Variants in EIF2S1 observed in about 807,000 individuals in gnomAD.
The protein encoded by EIF2S1 is eukaryotic translation initiation factor 2 subunit 1.
A neutral mutation model predicts 33.5 loss-of-function variants in EIF2S1; 5 were observed. The observed-to-expected ratio is 0.15, with a 90% CI of 0.08 to 0.31. The LOEUF is 0.31. Ranked by LOEUF, EIF2S1 falls within the 10% of genes least tolerant of loss-of-function variation. The pLI is 1.00. For missense variants in EIF2S1, 191 were observed against 384.6 expected, an observed-to-expected ratio of 0.50 and a Z score of 4.21; for synonymous variants, 99 against 127.5, an observed-to-expected ratio of 0.78 and a Z score of 1.51.
chr14:67,363,037 C>T (rs2141125052), intron 1 of EIF2S1, among the ~76,000 whole-genome samples: 1 of 152,288 alleles, frequency 6.6e-6, no homozygotes, highest in Non-Finnish European at 1.5e-5. Flanking sequence ...AAAAGCATCA[C>T]CTTTACTGTT....
chr14:67,384,792 C>T lies in EIF2S1; in HGVS notation c.*1352C>T, dbSNP rs1349932260. On this transcript the variant is annotated 3_prime_UTR_variant, in exon 8 of 8. Transcript: ENST00000256383. ...CAGTGGCTGGTTTCTGAGAGAGTGC[C>T]ATGATTGCTAGCCAGCATTCCATAT... is the stretch of plus-strand genomic sequence containing the variant. 2.0e-5 allele frequency: 3 copies of T among 152,096 alleles called. No individual in the cohort carries two copies. Among genetic ancestry groups the T allele is most frequent in the Non-Finnish European group, 4.4e-5 (3 of 68,028 alleles). 9.4% of individuals were successfully genotyped at this position (152,096 alleles called of 1,614,324 possible).
chr14:67,380,619 T>C lies in EIF2S1; in HGVS notation c.474-40T>C, dbSNP rs757643595. The C allele has an allele frequency of 2.5e-6, 3 of 1,190,482 alleles. No homozygotes were observed. The East Asian group carries it at 7.7e-5, about 31-fold the overall frequency. 73.7% of individuals were successfully genotyped at this position (1,190,482 alleles called of 1,614,324 possible). On this transcript the variant is annotated intron_variant, in intron 4 of 7. Coordinates refer to ENST00000256383, the MANE Select transcript of EIF2S1 (RefSeq NM_004094.5). ...TTTGGTTTCACATTTATCAGTAATATAACCTTGACCTTTTGTTATTTATTT... is the reference window on the plus strand; with the variant it reads ...TTTGGTTTCACATTTATCAGTAATACAACCTTGACCTTTTGTTATTTATTT...
In EIF2S1 at chr14:67,382,615, A is replaced by G. The variant is rs767945325; in HGVS notation, c.822+25A>G. 6.8e-6 allele frequency: 11 copies of G among 1,613,384 alleles called. No homozygotes were observed. In the South Asian group the frequency reaches 9.9e-5, roughly 14 times the overall value. The stretch of plus-strand genomic sequence containing the variant: ...GGTGAGATCAATAGATTCATTTTTA[A>G]TAATGACTCAGGAGGTTCCTAAAAG... On this transcript the variant is annotated intron_variant, in intron 7 of 7. Coordinates refer to ENST00000256383, the MANE Select transcript of EIF2S1 (RefSeq NM_004094.5).
chr14:67,378,051 G>A (rs576559963), intron 4 of EIF2S1, among the ~76,000 whole-genome samples: 47 of 151,998 alleles, frequency 3.1e-4, no homozygotes, highest in African/African-American at 1.1e-3. Flanking sequence ...AGTGGTTTGA[G>A]GTTTCTGTGA....
At chr14:67,361,237 C>A (rs1197124347) in intron 1 of EIF2S1, among the ~76,000 whole-genome samples, 2 of 152,146 alleles carry the variant, frequency 1.3e-5, no homozygotes, top group Non-Finnish European at 2.9e-5. Flanking sequence ...AACATGGTTT[C>A]TTCGAGAAAA....
chr14:67,385,669 T>C lies in EIF2S1; in HGVS notation c.*2229T>C, dbSNP rs1359413237. Reference sequence around the variant, plus strand: ...CAAACCACTTTTTTCTTTTTTTTTTTTTTTTTTTGGCAAATGGTGTTATAT... The same window carrying C: ...CAAACCACTTTTTTCTTTTTTTTTTCTTTTTTTTGGCAAATGGTGTTATAT... On this transcript the variant is annotated 3_prime_UTR_variant, in exon 8 of 8. Coordinates refer to ENST00000256383, the MANE Select transcript of EIF2S1 (RefSeq NM_004094.5). 1.3e-5 allele frequency: 2 copies of C among 149,950 alleles called. No homozygotes were observed. The highest frequency in any genetic ancestry group is 4.9e-5 in the African/African-American group (2 of 41,004). The allele number at this position is 149,950 out of a possible 1,614,324, so 9.3% of individuals were successfully genotyped here. A position where few individuals can be genotyped will look rare whatever the true frequency, so the allele number is the denominator to read the frequency against.
At position 67,382,398 on chromosome 14, in the gene EIF2S1, TG is replaced by T. The variant is rs768531149; in HGVS notation, c.679-46del. On this transcript the variant is annotated intron_variant, in intron 6 of 7. Coordinates refer to ENST00000256383, the MANE Select transcript of EIF2S1 (RefSeq NM_004094.5). ...AAAATCTCAAGCATCCTAATAGTTG[TG>T]GGTTCTGTAGGTACATTCATAAATG... The T allele has an allele frequency of 3.0e-5, 45 of 1,523,660 alleles. No individual in the cohort carries two copies. In the East Asian group the frequency reaches 4.1e-4, roughly 14 times the overall value. The allele number at this position is 1,523,660 out of a possible 1,614,324, so 94.4% of individuals were successfully genotyped here.
chr14:67,385,600 A>C lies in EIF2S1; in HGVS notation c.*2160A>C, dbSNP rs2085917301. 6.6e-6 allele frequency: 1 copy of C among 151,938 alleles called. No individual in the cohort carries two copies. Among genetic ancestry groups the C allele is most frequent in the Non-Finnish European group, 1.5e-5 (1 of 67,976 alleles). 9.4% of individuals were successfully genotyped at this position (151,938 alleles called of 1,614,324 possible). A position where few individuals can be genotyped will look rare whatever the true frequency, so the allele number is the denominator to read the frequency against. ...ATAGTTTGGGTCTCATTTATGCATA[A>C]ATTAATTGAAAATCAGTAATGGCCA... is the stretch of plus-strand genomic sequence containing the variant. On this transcript the variant is annotated 3_prime_UTR_variant, in exon 8 of 8. Transcript: ENST00000256383.
At chr14:67,372,436 T>C (rs2085828650) in intron 2 of EIF2S1, among the ~76,000 whole-genome samples, 1 of 152,216 alleles carries the variant, frequency 6.6e-6, no homozygotes, top group Non-Finnish European at 1.5e-5. Flanking sequence ...ATTGATTAAT[T>C]GGACCTTATC....
chr14:67,378,939 C>A (rs1367301795), intron 4 of EIF2S1, among the ~76,000 whole-genome samples: 1 of 152,154 alleles, frequency 6.6e-6, no homozygotes, highest in African/African-American at 2.4e-5. Context: ...ACATATGTGT[C>A]TATTATCATT....
chr14:67,369,242 GA>G (rs1186399142), intron 2 of EIF2S1, among the ~76,000 whole-genome samples: 1 of 152,178 alleles, frequency 6.6e-6, no homozygotes, highest in Non-Finnish European at 1.5e-5. Flanking sequence ...AGATAAAGTA[GA>G]TTTAAAGACA....
At position 67,384,781 on chromosome 14, in the gene EIF2S1, T is replaced by A. The variant is rs1465193435; in HGVS notation, c.*1341T>A. On this transcript the variant is annotated 3_prime_UTR_variant, in exon 8 of 8. Coordinates refer to ENST00000256383, the MANE Select transcript of EIF2S1 (RefSeq NM_004094.5). ...GTTTTAACTTCCAGTGGCTGGTTTC[T>A]GAGAGAGTGCCATGATTGCTAGCCA... The A allele has an allele frequency of 6.6e-6, 1 of 152,192 alleles. No homozygotes were observed. Among genetic ancestry groups the A allele is most frequent in the African/African-American group, 2.4e-5 (1 of 41,452 alleles). The allele number at this position is 152,192 out of a possible 1,614,324, so 9.4% of individuals were successfully genotyped here. A position where few individuals can be genotyped will look rare whatever the true frequency, so the allele number is the denominator to read the frequency against.
In EIF2S1 at chr14:67,386,273, T is replaced by C. The variant is rs2085923390; in HGVS notation, c.*2833T>C. ...ATAAGGAATAAGTAAAACATTAGCT[T>C]GTGATTTCTCATTATTCAGGTCAAT... is the stretch of plus-strand genomic sequence containing the variant. On this transcript the variant is annotated 3_prime_UTR_variant, in exon 8 of 8. Transcript: ENST00000256383. 6.6e-6 allele frequency: 1 copy of C among 152,648 alleles called. No individual in the cohort carries two copies. The highest frequency in any genetic ancestry group is 1.5e-5 in the Non-Finnish European group (1 of 68,044). 9.5% of individuals were successfully genotyped at this position (152,648 alleles called of 1,614,324 possible).
In EIF2S1 at chr14:67,383,386, C is replaced by T. The variant is rs150270187; in HGVS notation, c.894C>T (p.Ala298=). Residue 298 remains alanine (A), a synonymous_variant, in exon 8 of 8, where the codon GCC becomes GCT. Transcript: ENST00000256383. ...TGGAGAGGCTTGAAAGAGAAAATGC[C>T]GAAGTGGATGGAGATGATGATGCAG... The part of the protein sequence containing the change: ...RQMERLEREN[A]EVDGDDDAEE... 1,204 of 1,613,422 alleles carry T rather than the reference C, an allele frequency of 7.5e-4. 8 individuals carry two copies. The highest frequency in any genetic ancestry group is 5.1e-4 in the South Asian group (46 of 91,044).
chr14:67,364,597 A>T lies in EIF2S1; in HGVS notation c.-1-170A>T, dbSNP rs1450666452. Reference sequence around the variant, plus strand: ...ATAAAAATTAAAGCTTGGTTCCTGAACATTATCTGTTTTCTGGTACCACTT... The same window carrying T: ...ATAAAAATTAAAGCTTGGTTCCTGATCATTATCTGTTTTCTGGTACCACTT... On this transcript the variant is annotated intron_variant, in intron 1 of 7. Coordinates refer to ENST00000256383, the MANE Select transcript of EIF2S1 (RefSeq NM_004094.5). The T allele has an allele frequency of 1.3e-5, 8 of 621,684 alleles. No homozygotes were observed. In the African/African-American group the frequency reaches 1.5e-4, roughly 12 times the overall value. The allele number at this position is 621,684 out of a possible 1,614,324, so 38.5% of individuals were successfully genotyped here. A position where few individuals can be genotyped will look rare whatever the true frequency, so the allele number is the denominator to read the frequency against.
intron 4 of EIF2S1, among the ~76,000 whole-genome samples, chr14:67,377,300 A>T (rs1317561126): frequency 1.3e-5 from 2 of 152,074 alleles, no homozygotes; most frequent in Non-Finnish European, 2.9e-5. Flanking sequence ...TACTAGGAAA[A>T]ATCAGTCTTG....
chr14:67,368,326 A>G (rs2085794701), intron 2 of EIF2S1, among the ~76,000 whole-genome samples: 1 of 152,132 alleles, frequency 6.6e-6, no homozygotes, highest in Non-Finnish European at 1.5e-5. Flanking sequence ...GGCTTGGTGT[A>G]TGAGTTTATG....
At chr14:67,377,274 G>C (rs564571928) in intron 4 of EIF2S1, among the ~76,000 whole-genome samples, 1 of 152,150 alleles carries the variant, frequency 6.6e-6, no homozygotes, top group East Asian at 1.9e-4. Flanking sequence ...CTCTGTACTT[G>C]TAGACTGCTG....
intron 6 of EIF2S1, among the ~76,000 whole-genome samples, chr14:67,382,160 T>A (rs1427843796): frequency 6.6e-6 from 1 of 152,018 alleles, no homozygotes; most frequent in Admixed American, 6.5e-5. Context: ...GCAGTTAGTT[T>A]AGCCACCAAA....
Sources: gnomAD v4.1 joint callset for allele counts (sites outside exome capture counted in the v4.1 genomes callset) on GRCh38, gnomAD v4.1.1 for gene constraint, MANE v1.5 for transcripts, NCBI Gene and HGNC (gene_info 2026-07-23, HGNC 2026-07-21) for gene names.